The following PRUNE2 variants were observed in gnomAD, a reference collection of about 807,000 sequenced individuals.
PRUNE2 encodes protein prune homolog 2.
Under a neutral mutation model 252.0 loss-of-function variants are expected in PRUNE2, and 164 were observed. The ratio of observed to expected loss-of-function variants is 0.65; its 90% confidence interval spans 0.57 to 0.74. The LOEUF is 0.74. PRUNE2 is among the 30% of genes least tolerant of loss of function. The pLI is 0.00. For missense variants in PRUNE2, 3,495 were observed against 3,711.0 expected (o/e 0.94, Z 1.51); for synonymous variants, 1,292 against 1,350.2 (o/e 0.96, Z 0.94).
chr9:76,857,122 T>C (rs1402039517), intron 1 of PRUNE2: 1 of 455,872 alleles, frequency 2.2e-6, no homozygotes, highest in Non-Finnish European at 4.4e-6. Flanking sequence ...ATCAAGTTCC[T>C]TCATGGTCAT....
At chr9:76,732,149 C>T (rs1438881182) in intron 6 of PRUNE2, among the ~76,000 whole-genome samples, 1 of 151,994 alleles carries the variant, frequency 6.6e-6, no homozygotes, top group Non-Finnish European at 1.5e-5. Context: ...CCTGTCTCTA[C>T]TAAAAATACA....
chr9:76,675,771 T>C lies in PRUNE2; in HGVS notation c.8277-20269A>G, dbSNP rs1484731186. Among the ~76,000 whole-genome samples the C allele has an allele frequency of 3.6e-3, 452 of 126,890 alleles. 4 individuals are homozygous for C. The highest frequency in any genetic ancestry group is 0.012 in the African/African-American group (436 of 35,842). The allele number at this position is 126,890 out of a possible 152,430, so 83.2% of individuals were successfully genotyped here. ...TGAGTTCATGTCCTTTGCAGGGACA[T>C]GGATGAAATTGGAAACCATCATTCT... On this transcript the variant is annotated intron_variant, in intron 9 of 18. Transcript: ENST00000376718.
At chr9:76,855,879 G>A (rs2060226153) in intron 1 of PRUNE2, among the ~76,000 whole-genome samples, 1 of 152,058 alleles carries the variant, frequency 6.6e-6, no homozygotes, top group Non-Finnish European at 1.5e-5. Context: ...TTGGCTAAAT[G>A]TGCTTTAAGG....
intron 18 of PRUNE2, among the ~76,000 whole-genome samples, chr9:76,615,884 C>T (rs552818586): frequency 6.6e-5 from 10 of 151,452 alleles, no homozygotes; most frequent in Admixed American, 4.0e-4. Context: ...ACTCTCCTGC[C>T]TCAGCCTCCC....
chr9:76,866,406 CAT>C (rs1237259346), intron 1 of PRUNE2, among the ~76,000 whole-genome samples: 2 of 152,318 alleles, frequency 1.3e-5, no homozygotes, highest in South Asian at 2.1e-4. Flanking sequence ...TCCAAAACTT[CAT>C]ATAGTGTTTT....
At chr9:76,794,513 G>C (rs1359183225) in intron 6 of PRUNE2, among the ~76,000 whole-genome samples, 1 of 151,426 alleles carries the variant, frequency 6.6e-6, no homozygotes, top group African/African-American at 2.4e-5. Context: ...TACTCGGGAG[G>C]CTGAGGCAAG....
chr9:76,779,355 A>T (rs2131156359), intron 6 of PRUNE2, among the ~76,000 whole-genome samples: 1 of 152,262 alleles, frequency 6.6e-6, no homozygotes, highest in South Asian at 2.1e-4. Flanking sequence ...AAGGACAAAG[A>T]TCTGTAAATT....
chr9:76,822,466 C>G (rs1430758069), intron 6 of PRUNE2, among the ~76,000 whole-genome samples: 1 of 152,184 alleles, frequency 6.6e-6, no homozygotes, highest in African/African-American at 2.4e-5. Context: ...TGAGTGCCTG[C>G]TATTCCAGAG....
chr9:76,767,836 G>A (rs1167331408), intron 6 of PRUNE2, among the ~76,000 whole-genome samples: 2 of 152,116 alleles, frequency 1.3e-5, no homozygotes, highest in Non-Finnish European at 2.9e-5. Flanking sequence ...TGTCCTTTTC[G>A]GTGTTTTCAG....
chr9:76,611,678 G>A lies in PRUNE2; in HGVS notation c.*2892C>T, dbSNP rs1827490726. ...AAAATTACATCTTAACAAAGGCTAG[G>A]AGTAGTGACTTCCTCACACACCTCA... On this transcript the variant is annotated 3_prime_UTR_variant, in exon 19 of 19. Coordinates refer to ENST00000376718, the MANE Select transcript of PRUNE2 (RefSeq NM_015225.3). 3 of 152,592 alleles carry A rather than the reference G, an allele frequency of 2.0e-5. No individual in the cohort carries two copies. The highest frequency in any genetic ancestry group is 2.9e-5 in the Non-Finnish European group (2 of 68,044). The allele number at this position is 152,592 out of a possible 1,614,324, so 9.5% of individuals were successfully genotyped here.
At chr9:76,634,658 G>T (rs997128759) in intron 15 of PRUNE2, among the ~76,000 whole-genome samples, 8 of 152,156 alleles carry the variant, frequency 5.3e-5, no homozygotes, top group African/African-American at 1.9e-4. Context: ...TGCCCACTTT[G>T]CTGGGAGGAG....
intron 1 of PRUNE2, among the ~76,000 whole-genome samples, chr9:76,863,691 C>T (rs1401038110): frequency 2.0e-5 from 3 of 152,204 alleles, no homozygotes; most frequent in African/African-American, 7.2e-5. Flanking sequence ...ACCTACTTTG[C>T]TTCCTGAAAA....
rs534517991 is a variant in PRUNE2, at chr9:76,689,707, G to A, written c.8276+13630C>T. On this transcript the variant is annotated intron_variant, in intron 9 of 18. Transcript: ENST00000376718. ...GACAGGAAGTAGCACAAGGTCCAGA[G>A]CTAAGACCCCTGAGTTCTGATCCCA... Among the ~76,000 whole-genome samples the A allele has an allele frequency of 4.7e-3, 714 of 152,214 alleles. 2 individuals are homozygous for A. The highest frequency in any genetic ancestry group is 7.8e-3 in the Non-Finnish European group (529 of 68,020).
chr9:76,844,008 G>T (rs376709556), intron 4 of PRUNE2, among the ~76,000 whole-genome samples: 1 of 152,176 alleles, frequency 6.6e-6, no homozygotes, highest in Admixed American at 6.5e-5. Flanking sequence ...GATTACAGGC[G>T]TGAGCCACCA....
chr9:76,802,403 T>C (rs2056624407), intron 6 of PRUNE2, among the ~76,000 whole-genome samples: 2 of 152,142 alleles, frequency 1.3e-5, no homozygotes, highest in Non-Finnish European at 2.9e-5. Context: ...AGACATAAGG[T>C]AGTCTGGAAA....
chr9:76,763,154 A>C (rs914846157), intron 6 of PRUNE2, among the ~76,000 whole-genome samples: 4 of 152,180 alleles, frequency 2.6e-5, no homozygotes, highest in African/African-American at 9.7e-5. Context: ...GCATTATAGC[A>C]TCATGACAAA....
Position 76,710,457 on chromosome 9 carries a change from T to C in PRUNE2, c.1817A>G (p.Lys606Arg). The change falls in exon 8 of 19, where the codon AAG becomes AGG. Residue 606 changes from lysine to arginine, a missense_variant. Coordinates refer to ENST00000376718, the MANE Select transcript of PRUNE2 (RefSeq NM_015225.3). ...ATTCATGGGTGTTGGTGGGATCCTC[T>C]TTCCAGTATTTTTTAGCCTTTCTGG... is the stretch of plus-strand genomic sequence containing the variant. ...PSPERLKNTG[K>R]RIPPTPMNSL... The C allele has an allele frequency of 6.2e-7, 1 of 1,613,994 alleles. No homozygotes were observed. The highest frequency in any genetic ancestry group is 8.5e-7 in the Non-Finnish European group (1 of 1,179,894).
chr9:76,688,607 C>G (rs1002037470), intron 9 of PRUNE2, among the ~76,000 whole-genome samples: 4 of 152,162 alleles, frequency 2.6e-5, no homozygotes, highest in African/African-American at 7.2e-5. Context: ...TCCCTTCTTT[C>G]CATCCCAGGA....
intron 6 of PRUNE2, among the ~76,000 whole-genome samples, chr9:76,715,304 T>C (rs1247308450): frequency 2.0e-5 from 3 of 152,242 alleles, no homozygotes; most frequent in Non-Finnish European, 4.4e-5. Flanking sequence ...ACTCTGTAAT[T>C]CTGCTGAGTT....
Sources: allele counts gnomAD v4.1 joint callset (sites outside exome capture counted in the v4.1 genomes callset), GRCh38; gene constraint gnomAD v4.1.1; transcripts MANE v1.5; gene names NCBI Gene and HGNC (gene_info 2026-07-23, HGNC 2026-07-21).